Variants in NPR3 observed in about 807,000 individuals in gnomAD.
The protein encoded by NPR3 is natriuretic peptide receptor 3.
In NPR3, 34 loss-of-function variants were observed where a neutral mutation model predicts 54.5. The ratio of observed to expected loss-of-function variants is 0.62; its 90% CI spans 0.47 to 0.83. The LOEUF is 0.83. Ranked by LOEUF, NPR3 falls within the 40% of genes least tolerant of loss-of-function variation. The pLI is 0.00. For synonymous variants in NPR3, 289 were observed against 297.1 expected, an observed-to-expected ratio of 0.97 and a Z score of 0.28; for missense variants, 674 against 720.8, an observed-to-expected ratio of 0.94 and a Z score of 0.74.
chr5:32,761,696 T>C (rs569153384), intron 3 of NPR3, among the ~76,000 whole-genome samples: 1 of 151,968 alleles, frequency 6.6e-6, no homozygotes, highest in African/African-American at 2.4e-5. Flanking sequence ...CTGCTGAGAT[T>C]ACTCATATGG....
At chr5:32,760,148 C>T (rs1448500771) in intron 3 of NPR3, among the ~76,000 whole-genome samples, 1 of 151,508 alleles carries the variant, frequency 6.6e-6, no homozygotes, top group Admixed American at 6.6e-5. Flanking sequence ...CAGTTTGGAA[C>T]TATTGTGACC....
At chr5:32,724,873 C>T in intron 2 of NPR3, 53 bp downstream of exon 2, 2 of 1,603,546 alleles carry the variant, frequency 1.2e-6, no homozygotes, top group South Asian at 1.1e-5. Flanking sequence ...GAGAGGTTGT[C>T]AGATGCCCAT....
intron 3 of NPR3, among the ~76,000 whole-genome samples, chr5:32,745,580 T>G (rs1579645083): frequency 6.6e-6 from 1 of 152,196 alleles, no homozygotes. Context: ...CTGACCCTTT[T>G]AACAACAATG....
chr5:32,751,848 T>C (rs1740593072), intron 3 of NPR3, among the ~76,000 whole-genome samples: 2 of 152,196 alleles, frequency 1.3e-5, no homozygotes. Context: ...GTCTAAAATG[T>C]TGAAAAACAA....
chr5:32,713,051 T>C (rs1023792854), intron 1 of NPR3: 30 of 518,306 alleles, frequency 5.8e-5, no homozygotes, highest in Non-Finnish European at 7.2e-5. Context: ...CTGACTGTTG[T>C]TTCCACAGAC....
At chr5:32,717,948 G>C (rs1222476405) in intron 1 of NPR3, among the ~76,000 whole-genome samples, 1 of 152,142 alleles carries the variant, frequency 6.6e-6, no homozygotes, top group Non-Finnish European at 1.5e-5. Flanking sequence ...CGTCCTGAAA[G>C]GTATTGCCTA....
chr5:32,758,256 A>C (rs568032553), intron 3 of NPR3, among the ~76,000 whole-genome samples: 2 of 152,266 alleles, frequency 1.3e-5, no homozygotes, highest in African/African-American at 4.8e-5. Flanking sequence ...TTGGTAGCCT[A>C]TTAATTATTG....
chr5:32,768,310 G>A (rs774613202), intron 3 of NPR3, among the ~76,000 whole-genome samples: 3 of 152,152 alleles, frequency 2.0e-5, no homozygotes, highest in African/African-American at 4.8e-5. Flanking sequence ...TTATGTATGT[G>A]CATTTCTCAA....
intron 1 of NPR3, among the ~76,000 whole-genome samples, chr5:32,692,883 G>A (rs1348835275): frequency 6.6e-6 from 1 of 152,194 alleles, no homozygotes; most frequent in Non-Finnish European, 1.5e-5. Flanking sequence ...CACTTTGGAA[G>A]GCCAAGGTGG....
intron 3 of NPR3, among the ~76,000 whole-genome samples, chr5:32,743,202 C>G (rs1740122717): frequency 6.6e-6 from 1 of 152,082 alleles, no homozygotes; most frequent in Non-Finnish European, 1.5e-5. Flanking sequence ...TTTTAATTGA[C>G]TTTTTAGTAG....
At chr5:32,757,377 G>T (rs1740903072) in intron 3 of NPR3, among the ~76,000 whole-genome samples, 1 of 152,172 alleles carries the variant, frequency 6.6e-6, no homozygotes, top group Non-Finnish European at 1.5e-5. Flanking sequence ...TTGTGAATGG[G>T]AGTTCACTCA....
chr5:32,691,982 G>T (rs192018832), intron 1 of NPR3, among the ~76,000 whole-genome samples: 148 of 152,256 alleles, frequency 9.7e-4, no homozygotes, highest in Non-Finnish European at 6.5e-4. Context: ...GCACAAGAAA[G>T]ACTCTTTTTC....
At chr5:32,773,874 C>G (rs1219769511) in intron 3 of NPR3, among the ~76,000 whole-genome samples, 1 of 152,230 alleles carries the variant, frequency 6.6e-6, no homozygotes, top group African/African-American at 2.4e-5. Context: ...TTGAAGCAGG[C>G]ACTAGTCTCA....
intron 3 of NPR3, among the ~76,000 whole-genome samples, chr5:32,750,082 T>A (rs1000003704): frequency 6.6e-6 from 1 of 152,188 alleles, no homozygotes; most frequent in Admixed American, 6.5e-5. Context: ...CCCTTCTGTG[T>A]ACACTTTGGT....
intron 3 of NPR3, among the ~76,000 whole-genome samples, chr5:32,768,507 C>T (rs1741590909): frequency 1.3e-5 from 2 of 152,272 alleles, no homozygotes; most frequent in South Asian, 2.1e-4. Context: ...ACAGAGATCT[C>T]CTTGTTGCTT....
In NPR3 at chr5:32,772,658, T is replaced by C. The variant is rs187966603; in HGVS notation, c.1060-2050T>C. ...CTTTTATTTTGAATACTGGTGTTAATAATTTGAAACTAAGCAGGATCTCTA... is the reference window on the plus strand; with the variant it reads ...CTTTTATTTTGAATACTGGTGTTAACAATTTGAAACTAAGCAGGATCTCTA... On this transcript the variant is annotated intron_variant, in intron 3 of 7. Coordinates refer to ENST00000265074, the MANE Select transcript of NPR3 (RefSeq NM_001204375.2). Among the ~76,000 whole-genome samples, 362 of 152,364 alleles carry C rather than the reference T, an allele frequency of 2.4e-3. 1 individual carries two copies. The highest frequency in any genetic ancestry group is 3.1e-3 in the Non-Finnish European group (210 of 68,036).
At chr5:32,731,826 T>C (rs1739465292) in intron 2 of NPR3, among the ~76,000 whole-genome samples, 1 of 152,110 alleles carries the variant, frequency 6.6e-6, no homozygotes, top group South Asian at 2.1e-4. Flanking sequence ...AATGTAGAGA[T>C]TTATTCTCTT....
At chr5:32,714,379 G>A (rs1193423785) in intron 1 of NPR3, among the ~76,000 whole-genome samples, 2 of 148,950 alleles carry the variant, frequency 1.3e-5, no homozygotes, top group Admixed American at 6.6e-5. Flanking sequence ...GGGGCTGGGC[G>A]GACAGCAGTG....
upstream of NPR3, chr5:32,710,674 T>C (rs1224639027): frequency 6.5e-7 from 1 of 1,532,462 alleles, no homozygotes; most frequent in Non-Finnish European, 8.8e-7. Context: ...TGGAGCCATC[T>C]GCACTGGGAC....
Sources: gnomAD v4.1 joint callset for allele counts (sites outside exome capture counted in the v4.1 genomes callset) on GRCh38, gnomAD v4.1.1 for gene constraint, MANE v1.5 for transcripts, NCBI Gene and HGNC (gene_info 2026-07-23, HGNC 2026-07-21) for gene names.